Variants in ACAP2 observed in about 807,000 individuals in gnomAD.
The protein encoded by ACAP2 is ArfGAP with coiled-coil, ankyrin repeat and PH domains 2.
In ACAP2, 39 loss-of-function variants were observed where a neutral mutation model predicts 115.8. The ratio of observed to expected loss-of-function variants is 0.34; its 90% confidence interval spans 0.26 to 0.44. ACAP2 has a LOEUF of 0.44. Ranked by LOEUF, ACAP2 falls within the 20% of genes least tolerant of loss-of-function variation. The pLI is 1.00. For missense variants in ACAP2, 662 were observed against 927.6 expected (o/e 0.71, Z 3.72); for synonymous variants, 289 against 315.8 (o/e 0.92, Z 0.90).
At chr3:195,352,953 C>T (rs1731709225) in intron 4 of ACAP2, among the ~76,000 whole-genome samples, 1 of 151,856 alleles carries the variant, frequency 6.6e-6, no homozygotes, top group Admixed American at 6.6e-5. Flanking sequence ...TGGTGGCGCA[C>T]ATCTGTAATC....
chr3:195,286,030 C>T (rs1726822211), intron 21 of ACAP2, among the ~76,000 whole-genome samples, 173 bp from the exon 22 acceptor site: 1 of 152,182 alleles, frequency 6.6e-6, no homozygotes, highest in Admixed American at 6.5e-5. Context: ...ATAAGTATCT[C>T]ACCTTCATAC....
intron 1 of ACAP2, among the ~76,000 whole-genome samples, chr3:195,425,454 T>A (rs1445933000): frequency 6.6e-6 from 1 of 152,232 alleles, no homozygotes; most frequent in Non-Finnish European, 1.5e-5. Flanking sequence ...AGTAAAAGCC[T>A]GTTGCCTATC....
At chr3:195,401,171 G>A (rs1167324938) in intron 1 of ACAP2, among the ~76,000 whole-genome samples, 5 of 152,148 alleles carry the variant, frequency 3.3e-5, no homozygotes, top group African/African-American at 1.2e-4. Flanking sequence ...CAGCAGGTAG[G>A]GAACCAAATA....
chr3:195,402,337 T>C (rs1290447645), intron 1 of ACAP2, among the ~76,000 whole-genome samples: 1 of 152,152 alleles, frequency 6.6e-6, no homozygotes, highest in Non-Finnish European at 1.5e-5. Context: ...TCCAGCCTTG[T>C]GATTCCAATC....
intron 6 of ACAP2, among the ~76,000 whole-genome samples, chr3:195,338,983 C>T (rs1397373058): frequency 6.6e-6 from 1 of 151,994 alleles, no homozygotes; most frequent in Non-Finnish European, 1.5e-5. Flanking sequence ...GTAATCCTTG[C>T]ACTTTGGGAG....
At chr3:195,285,751 A>T (rs1335972293) in intron 22 of ACAP2, 45 bp downstream of exon 22, 1 of 1,459,144 alleles carries the variant, frequency 6.9e-7, no homozygotes, top group Admixed American at 1.9e-5. Flanking sequence ...TCCTGAATGC[A>T]TTTCTTATAC....
intron 10 of ACAP2, among the ~76,000 whole-genome samples, chr3:195,315,963 C>G (rs1048821316): frequency 6.6e-6 from 1 of 152,174 alleles, no homozygotes; most frequent in African/African-American, 2.4e-5. Context: ...CTAACACTTA[C>G]TATGCTTCAT....
In ACAP2 at chr3:195,442,842, C is replaced by T; in HGVS notation, c.6G>A (p.Lys2=). M[K]MTVDFEECLK... ...GACACTCCTCGAAATCCACAGTCAT[C>T]TTCATCCTGCCTCCGCCTCGCAGGC... The change falls in exon 1 of 23, where the codon AAG becomes AAA. Residue 2 remains lysine (K), a synonymous_variant. Coordinates refer to ENST00000326793, the MANE Select transcript of ACAP2 (RefSeq NM_012287.6). 1.3e-6 allele frequency: 2 copies of T among 1,520,798 alleles called. No individual in the cohort carries two copies. The highest frequency in any genetic ancestry group is 1.8e-6 in the Non-Finnish European group (2 of 1,134,422). The allele number at this position is 1,520,798 out of a possible 1,614,324, so 94.2% of individuals were successfully genotyped here. A position where few individuals can be genotyped will look rare whatever the true frequency, so the allele number is the denominator to read the frequency against.
intron 5 of ACAP2, 41 bp from the exon 6 acceptor site, chr3:195,342,695 T>G (rs1730957041): frequency 1.3e-6 from 2 of 1,533,652 alleles, no homozygotes; most frequent in Non-Finnish European, 8.7e-7. Context: ...ATAACTTGCT[T>G]CATTAAAAAA....
chr3:195,287,180 G>C (rs1299542191), intron 21 of ACAP2, among the ~76,000 whole-genome samples: 1 of 152,210 alleles, frequency 6.6e-6, no homozygotes, highest in Non-Finnish European at 1.5e-5. Context: ...AAGTGAATAA[G>C]TGATAAAGAA....
At chr3:195,364,986 G>A (rs537016950) in intron 4 of ACAP2, among the ~76,000 whole-genome samples, 19 of 152,166 alleles carry the variant, frequency 1.2e-4, no homozygotes, top group Non-Finnish European at 1.9e-4. Context: ...CAACATGGAC[G>A]AAACTAGACG....
At position 195,308,830 on chromosome 3, in the gene ACAP2, A is replaced by G; in HGVS notation, c.865T>C (p.Phe289Leu). ...NAFKTWNRRW[F>L]SIQNNQLVYQ... is the part of the protein sequence containing the mutation. ...ACCAACTGATTATTCTGTATTGAAA[A>G]CCAGCGCCTACAGAAACACAAAATA... is the stretch of plus-strand genomic sequence containing the variant. The change falls in exon 11 of 23, where the codon TTT (phenylalanine) becomes CTT (leucine). Residue 289 changes from phenylalanine to leucine, a missense_variant. Coordinates refer to ENST00000326793, the MANE Select transcript of ACAP2 (RefSeq NM_012287.6). 6.2e-7 allele frequency: 1 copy of G among 1,608,690 alleles called. No individual in the cohort carries two copies. The highest frequency in any genetic ancestry group is 8.5e-7 in the Non-Finnish European group (1 of 1,178,510).
chr3:195,322,300 C>T (rs1168860530), intron 9 of ACAP2, among the ~76,000 whole-genome samples: 1 of 152,126 alleles, frequency 6.6e-6, no homozygotes. Flanking sequence ...GAATTCTACC[C>T]TATTAAGGAG....
At chr3:195,415,632 T>C (rs1713657884) in intron 1 of ACAP2, among the ~76,000 whole-genome samples, 1 of 152,228 alleles carries the variant, frequency 6.6e-6, no homozygotes, top group Non-Finnish European at 1.5e-5. Context: ...AAGTTCTTTT[T>C]ATTAAAGAGA....
intron 1 of ACAP2, among the ~76,000 whole-genome samples, chr3:195,405,799 G>T (rs1712720845): frequency 6.6e-6 from 1 of 152,168 alleles, no homozygotes; most frequent in Admixed American, 6.5e-5. Flanking sequence ...GAAGGCCTCA[G>T]GAAACCAAAT....
At chr3:195,373,709 C>T (rs1190599886) in intron 4 of ACAP2, among the ~76,000 whole-genome samples, 2 of 152,088 alleles carry the variant, frequency 1.3e-5, no homozygotes, top group African/African-American at 4.8e-5. Flanking sequence ...GCGGGTGGAT[C>T]ATTTGAGGTC....
intron 4 of ACAP2, among the ~76,000 whole-genome samples, chr3:195,346,709 C>A (rs1731211118): frequency 6.6e-6 from 1 of 152,132 alleles, no homozygotes; most frequent in Non-Finnish European, 1.5e-5. Flanking sequence ...CACACAAAAA[C>A]CTGTACTCAA....
intron 1 of ACAP2, among the ~76,000 whole-genome samples, chr3:195,430,319 A>G (rs1286872256): frequency 6.6e-6 from 1 of 152,224 alleles, no homozygotes; most frequent in East Asian, 1.9e-4. Flanking sequence ...CTGATGTGAT[A>G]ATGGTGTGTA....
At chr3:195,381,416 A>AG (rs1733929556) in intron 3 of ACAP2, among the ~76,000 whole-genome samples, 1 of 152,212 alleles carries the variant, frequency 6.6e-6, no homozygotes, top group Non-Finnish European at 1.5e-5. Context: ...CCATTTCTTC[A>AG]CCAGTTATTA....
Sources: allele counts gnomAD v4.1 joint callset (sites outside exome capture counted in the v4.1 genomes callset), GRCh38; gene constraint gnomAD v4.1.1; transcripts MANE v1.5; gene names NCBI Gene and HGNC (gene_info 2026-07-23, HGNC 2026-07-21).